The following SLC6A15 variants were observed in gnomAD, a reference collection of about 807,000 sequenced individuals.
The protein encoded by SLC6A15 is sodium-dependent neutral amino acid transporter B(0)AT2.
A neutral mutation model predicts 68.5 loss-of-function variants in SLC6A15; 33 were observed. The observed-to-expected ratio is 0.48, with a 90% CI of 0.37 to 0.64. The LOEUF is 0.64. Among genes scored for constraint, SLC6A15 ranks in the 30% least tolerant of loss-of-function variants. The pLI is 0.00. For missense variants in SLC6A15, 747 were observed against 874.3 expected, an observed-to-expected ratio of 0.85 and a Z score of 1.84; for synonymous variants, 347 against 301.0, an observed-to-expected ratio of 1.15 and a Z score of -1.58.
At chr12:84,905,265 A>C (rs1873086797) in intron 1 of SLC6A15, among the ~76,000 whole-genome samples, 1 of 152,220 alleles carries the variant, frequency 6.6e-6, no homozygotes, top group African/African-American at 2.4e-5. Context: ...TTCAATATTC[A>C]AAAATCAATA....
At chr12:84,884,609 T>C (rs182575682) in intron 4 of SLC6A15, among the ~76,000 whole-genome samples, 4 of 152,136 alleles carry the variant, frequency 2.6e-5, no homozygotes, top group Admixed American at 2.6e-4. Flanking sequence ...CCCAACCCCT[T>C]ATCAAAGTAA....
intron 5 of SLC6A15, among the ~76,000 whole-genome samples, chr12:84,880,173 A>C (rs558586809): frequency 2.0e-5 from 3 of 152,324 alleles, no homozygotes; most frequent in Admixed American, 2.0e-4. Context: ...TTAAGAAGGC[A>C]ACACATCAAT....
At chr12:84,872,164 A>G (rs1403296920) in intron 8 of SLC6A15, among the ~76,000 whole-genome samples, 1 of 152,028 alleles carries the variant, frequency 6.6e-6, no homozygotes, top group Non-Finnish European at 1.5e-5. Flanking sequence ...CTCAAAAAAA[A>G]AAAAAAGAAC....
At chr12:84,885,848 T>A (rs1295369402) in intron 3 of SLC6A15, 63 bp downstream of exon 3, 11 of 1,453,318 alleles carry the variant, frequency 7.6e-6, no homozygotes, top group Non-Finnish European at 1.0e-5. Flanking sequence ...TTCATTTAAA[T>A]GTTAATTATA....
chr12:84,870,795 T>A (rs537791737), intron 8 of SLC6A15, 125 bp from the exon 9 acceptor site: 1 of 531,468 alleles, frequency 1.9e-6, no homozygotes, highest in African/African-American at 1.9e-5. Flanking sequence ...ATAGACATGC[T>A]CAAATCAGCT....
At chr12:84,877,244 G>A (rs538088002) in intron 5 of SLC6A15, among the ~76,000 whole-genome samples, 8 of 152,210 alleles carry the variant, frequency 5.3e-5, no homozygotes, top group African/African-American at 1.9e-4. Context: ...GGTCCAGAGG[G>A]AAACTTCTGA....
At chr12:84,893,834 A>G (rs191248415) in intron 1 of SLC6A15, among the ~76,000 whole-genome samples, 11 of 152,336 alleles carry the variant, frequency 7.2e-5, no homozygotes, top group African/African-American at 2.6e-4. Context: ...CCCTAAGAGC[A>G]AACACTTCTC....
chr12:84,870,035 A>G (rs1305991862), intron 9 of SLC6A15, among the ~76,000 whole-genome samples: 2 of 151,998 alleles, frequency 1.3e-5, no homozygotes, highest in African/African-American at 4.8e-5. Context: ...CTAGTAAATT[A>G]CTACTGCTGC....
At chr12:84,889,297 T>A (rs946171265) in intron 2 of SLC6A15, among the ~76,000 whole-genome samples, 1 of 151,726 alleles carries the variant, frequency 6.6e-6, no homozygotes, top group East Asian at 2.0e-4. Context: ...AAGACCATCC[T>A]GGCTAACACG....
intron 1 of SLC6A15, among the ~76,000 whole-genome samples, chr12:84,902,444 T>C (rs566920415): frequency 2.0e-5 from 3 of 152,092 alleles, no homozygotes; most frequent in East Asian, 3.9e-4. Context: ...GAAAAACAAC[T>C]TGGTTACTTT....
rs182572662 is a variant in SLC6A15 at position 84,869,286 on chromosome 12, C to T, written c.1495+1192G>A. Reference sequence around the variant, plus strand: ...CATCCTGGCTAACACGGTGAAACCCCGTCTCTATTAAAAAAAATACAAAAA... The same window carrying T: ...CATCCTGGCTAACACGGTGAAACCCTGTCTCTATTAAAAAAAATACAAAAA... On this transcript the variant is annotated intron_variant, in intron 9 of 11. Transcript: ENST00000266682. Among the ~76,000 whole-genome samples, 1,379 of 151,794 alleles carry T rather than the reference C, an allele frequency of 9.1e-3. 10 individuals are homozygous for T. Among genetic ancestry groups the T allele is most frequent in the Middle Eastern group, 0.037 (11 of 294 alleles).
chr12:84,872,581 G>A, intron 8 of SLC6A15, 21 bp downstream of exon 8: 2 of 1,584,840 alleles, frequency 1.3e-6, no homozygotes, highest in Non-Finnish European at 8.6e-7. Context: ...TTATTTTATT[G>A]CTCAAACATG....
intron 11 of SLC6A15, among the ~76,000 whole-genome samples, 175 bp downstream of exon 11, chr12:84,863,264 T>C (rs1870926405): frequency 6.8e-6 from 1 of 147,418 alleles, no homozygotes; most frequent in Non-Finnish European, 1.5e-5. Context: ...CACAATGTAT[T>C]TAAAAAATCA....
In SLC6A15 at chr12:84,892,083, T is replaced by C. The variant is rs767525034; in HGVS notation, c.38A>G (p.Asp13Gly). The change falls in exon 2 of 12, where the codon GAT (aspartate) becomes GGT (glycine). Residue 13 changes from aspartate to glycine, a missense_variant. Coordinates refer to ENST00000266682, the MANE Select transcript of SLC6A15 (RefSeq NM_182767.6). ...KNSKVVKREL[D>G]DDVTESVKDL... ...TTTGACAGACTCAGTAACATCATCA[T>C]CTAATTCTCTTTTTACCACCTTGCT... 2.9e-5 allele frequency: 46 copies of C among 1,612,728 alleles called. 1 individual carries two copies. In the South Asian group the frequency reaches 4.1e-4, roughly 14 times the overall value.
At chr12:84,896,100 G>T (rs1293739707) in intron 1 of SLC6A15, among the ~76,000 whole-genome samples, 1 of 152,166 alleles carries the variant, frequency 6.6e-6, no homozygotes, top group Non-Finnish European at 1.5e-5. Flanking sequence ...CAACTTAGCA[G>T]CATCCATTCT....
At chr12:84,870,262 T>G (rs1315693291) in intron 9 of SLC6A15, among the ~76,000 whole-genome samples, 1 of 149,876 alleles carries the variant, frequency 6.7e-6, no homozygotes, top group Non-Finnish European at 1.5e-5. Flanking sequence ...AAAATATAAT[T>G]TATATTAAAA....
chr12:84,882,596 G>A (rs61268326), intron 5 of SLC6A15: 7,174 of 389,098 alleles, frequency 0.018, 453 homozygotes, highest in African/African-American at 0.14. Flanking sequence ...GACTAGGACG[G>A]GGTGAGACAT....
chr12:84,867,618 A>C (rs1871116277), intron 9 of SLC6A15: 1 of 152,128 alleles, frequency 6.6e-6, no homozygotes, highest in African/African-American at 2.4e-5. Context: ...TTTTTGAATT[A>C]ATAATGAGAC....
chr12:84,880,616 G>T (rs555307124), intron 5 of SLC6A15, among the ~76,000 whole-genome samples: 23 of 152,202 alleles, frequency 1.5e-4, no homozygotes, highest in African/African-American at 4.6e-4. Context: ...TAATGAATGG[G>T]TGAATGATTA....
Sources: allele counts gnomAD v4.1 joint callset (sites outside exome capture counted in the v4.1 genomes callset), GRCh38; gene constraint gnomAD v4.1.1; transcripts MANE v1.5; gene names NCBI Gene and HGNC (gene_info 2026-07-23, HGNC 2026-07-21).